CDR2: variants seen among roughly 807,000 people sequenced by gnomAD.
CDR2 encodes cerebellar degeneration related protein 2.
A neutral mutation model predicts 48.4 loss-of-function variants in CDR2; 34 were observed. That is an observed-to-expected ratio of 0.70 (90% CI 0.53 to 0.94). The LOEUF (loss-of-function observed/expected upper bound fraction) is 0.94, where lower values mean the gene tolerates loss of function less well. Among genes scored for constraint, CDR2 ranks in the 40% least tolerant of loss-of-function variants. CDR2 has a pLI of 0.00. For synonymous variants in CDR2, 240 were observed against 219.7 expected, an observed-to-expected ratio of 1.09 and a Z score of -0.82; for missense variants, 498 against 549.5, an observed-to-expected ratio of 0.91 and a Z score of 0.94.
chr16:22,358,320 T>TG (rs2048989499), intron 2 of CDR2, among the ~76,000 whole-genome samples: 1 of 152,044 alleles, frequency 6.6e-6, no homozygotes, highest in South Asian at 2.1e-4. Flanking sequence ...AAGGGGGTCA[T>TG]GGGGTAGCAG....
chr16:22,351,033 C>A (rs2048938381), intron 2 of CDR2, among the ~76,000 whole-genome samples: 1 of 152,134 alleles, frequency 6.6e-6, no homozygotes, highest in Non-Finnish European at 1.5e-5. Context: ...CCCCGACAGG[C>A]CCCAGTGTGT....
At chr16:22,355,342 C>A (rs190087575) in intron 2 of CDR2, among the ~76,000 whole-genome samples, 24 of 152,284 alleles carry the variant, frequency 1.6e-4, no homozygotes, top group African/African-American at 5.8e-4. Context: ...CCTTTACGAT[C>A]CCCTATCCGG....
At position 22,356,953 on chromosome 16, in the gene CDR2, GAAAA is replaced by G. The variant is rs1162529433; in HGVS notation, c.193-7108_193-7105del. ...AAGACTCCATCTCAAAAAAAAAAAA[GAAAA>G]AAAAAAAAAAAAAAGAAGACCACCT... On this transcript the variant is annotated intron_variant, in intron 2 of 4. Transcript: ENST00000268383. 1.8e-4 allele frequency among the ~76,000 whole-genome samples: 16 copies of G among 87,518 alleles called. 1 individual carries two copies. Among genetic ancestry groups the G allele is most frequent in the South Asian group, 3.8e-4 (1 of 2,622 alleles). The allele number at this position is 87,518 out of a possible 152,430, so 57.4% of individuals were successfully genotyped here.
chr16:22,359,474 G>A (rs1047961636), intron 2 of CDR2, among the ~76,000 whole-genome samples: 8 of 152,052 alleles, frequency 5.3e-5, no homozygotes, highest in Non-Finnish European at 8.8e-5. Context: ...GATTTATACC[G>A]TTCAAAATAT....
intron 1 of CDR2, among the ~76,000 whole-genome samples, chr16:22,371,848 A>ATGTGTGTG (rs56274013): frequency 4.6e-4 from 69 of 148,550 alleles, no homozygotes; most frequent in African/African-American, 1.5e-3. Context: ...AGGTTCAGAT[A>ATGTGTGTG]TGTGTGTGTG....
chr16:22,374,520 C>G lies in CDR2; in HGVS notation c.-211G>C, dbSNP rs1002271379. ...CGACTCGCCTCGCGCCTACCGACGG[C>G]CCCAACGGCCGGGCATTACGGTGCG... On this transcript the variant is annotated 5_prime_UTR_variant, in exon 1 of 5. Transcript: ENST00000268383. 4.5e-6 allele frequency: 1 copy of G among 220,340 alleles called. No individual in the cohort carries two copies. The highest frequency in any genetic ancestry group is 8.8e-6 in the Non-Finnish European group (1 of 113,674). 13.6% of individuals were successfully genotyped at this position (220,340 alleles called of 1,614,324 possible). A position where few individuals can be genotyped will look rare whatever the true frequency, so the allele number is the denominator to read the frequency against.
chr16:22,372,291 A>G (rs534595869), intron 1 of CDR2, among the ~76,000 whole-genome samples: 1 of 152,316 alleles, frequency 6.6e-6, no homozygotes, highest in Admixed American at 6.5e-5. Flanking sequence ...TTGAAGTGTT[A>G]CAGCTGTTGT....
intron 2 of CDR2, among the ~76,000 whole-genome samples, chr16:22,361,446 A>G (rs1204753079): frequency 6.6e-6 from 1 of 152,236 alleles, no homozygotes; most frequent in Non-Finnish European, 1.5e-5. Flanking sequence ...TAGGCTCTTT[A>G]GCTGCCTGGT....
intron 2 of CDR2, among the ~76,000 whole-genome samples, chr16:22,357,301 G>A (rs890114950): frequency 1.3e-5 from 2 of 152,226 alleles, no homozygotes; most frequent in African/African-American, 4.8e-5. Context: ...CACCTGACTC[G>A]GCCTGCCAAA....
intron 1 of CDR2, among the ~76,000 whole-genome samples, chr16:22,372,681 T>C (rs2049086332): frequency 6.6e-6 from 1 of 152,202 alleles, no homozygotes; most frequent in African/African-American, 2.4e-5. Flanking sequence ...AATAAATTTG[T>C]CTCTTGGACA....
At chr16:22,360,818 C>T (rs866776987) in intron 2 of CDR2, among the ~76,000 whole-genome samples, 30 of 132,596 alleles carry the variant, frequency 2.3e-4, no homozygotes, top group African/African-American at 8.7e-4. Context: ...GGCAGGATCT[C>T]GGCTCACTGT....
chr16:22,366,508 G>C (rs1057014676), intron 1 of CDR2, among the ~76,000 whole-genome samples: 1 of 152,206 alleles, frequency 6.6e-6, no homozygotes, highest in South Asian at 2.1e-4. Context: ...TGAAGGAACA[G>C]AATAAGTGAC....
chr16:22,349,189 A>C (rs185812375), intron 4 of CDR2, 90 bp downstream of exon 4: 229 of 1,394,712 alleles, frequency 1.6e-4, no homozygotes, highest in Non-Finnish European at 2.1e-4. Context: ...GACTTTTCTT[A>C]AAATGGTACT....
chr16:22,348,266 A>T (rs1376456872), intron 4 of CDR2, among the ~76,000 whole-genome samples: 1 of 152,296 alleles, frequency 6.6e-6, no homozygotes, highest in East Asian at 1.9e-4. Flanking sequence ...CCACACTTGG[A>T]GCAGTGGCTA....
intron 1 of CDR2, among the ~76,000 whole-genome samples, chr16:22,368,129 A>G (rs559714718): frequency 2.5e-4 from 38 of 152,232 alleles, no homozygotes; most frequent in Non-Finnish European, 5.1e-4. Flanking sequence ...AATCTATGAA[A>G]TAACTTGTAT....
intron 2 of CDR2, among the ~76,000 whole-genome samples, chr16:22,351,863 G>A (rs2048944448): frequency 6.6e-6 from 1 of 152,190 alleles, no homozygotes; most frequent in Admixed American, 6.5e-5. Context: ...AAAAGTCACA[G>A]TATTTCCCTG....
chr16:22,349,235 T>G, intron 4 of CDR2, 44 bp downstream of exon 4: 441 of 1,598,454 alleles, frequency 2.8e-4, no homozygotes, highest in Non-Finnish European at 3.4e-4. Context: ...GCCAATGACA[T>G]GAGACAGTCC....
chr16:22,348,887 T>TA (rs1307261430), intron 4 of CDR2, among the ~76,000 whole-genome samples: 1 of 152,238 alleles, frequency 6.6e-6, no homozygotes, highest in African/African-American at 2.4e-5. Flanking sequence ...AAATACTTCT[T>TA]AAAGATTCAG....
At chr16:22,367,978 T>C (rs2049053744) in intron 1 of CDR2, among the ~76,000 whole-genome samples, 1 of 152,112 alleles carries the variant, frequency 6.6e-6, no homozygotes, top group Admixed American at 6.5e-5. Flanking sequence ...TCCCAGCATT[T>C]TGGGAGGGTG....
Sources: gnomAD v4.1 joint callset for allele counts (sites outside exome capture counted in the v4.1 genomes callset) on GRCh38, gnomAD v4.1.1 for gene constraint, MANE v1.5 for transcripts, NCBI Gene and HGNC (gene_info 2026-07-23, HGNC 2026-07-21) for gene names.